SLC35D4: variants seen among roughly 807,000 people sequenced by gnomAD.
SLC35D4 encodes solute carrier family 35 member D4.
chr18:23,249,632 C>T, the SLC35D4 span, among the ~76,000 whole-genome samples: 1 of 152,290 alleles, frequency 6.6e-6, no homozygotes, highest in South Asian at 2.1e-4. Flanking sequence ...TCAAGATAAA[C>T]CTGGGAAGCA....
the SLC35D4 span, among the ~76,000 whole-genome samples, chr18:23,281,437 C>T: frequency 6.6e-6 from 1 of 152,176 alleles, no homozygotes; most frequent in Non-Finnish European, 1.5e-5. Context: ...ATCCTCCCAC[C>T]TCAGCCTCCC....
chr18:23,352,200 G>T, the SLC35D4 span: 1 of 1,609,644 alleles, frequency 6.2e-7, no homozygotes, highest in African/African-American at 1.3e-5. Flanking sequence ...TCTTACCTTA[G>T]CAAAGAAAAT....
the SLC35D4 span, among the ~76,000 whole-genome samples, chr18:23,361,120 AAAAAAG>A: frequency 1.4e-5 from 2 of 138,248 alleles, no homozygotes; most frequent in African/African-American, 5.9e-5. Flanking sequence ...AAAAAAAAAA[AAAAAAG>A]AAAAAGAAAA....
chr18:23,281,047 TC>T, the SLC35D4 span, among the ~76,000 whole-genome samples: 8,690 of 152,042 alleles, frequency 0.057, 456 homozygotes, highest in African/African-American at 0.13. Context: ...CATTGCACAA[TC>T]CCGTGCATAT....
the SLC35D4 span, chr18:23,257,402 C>T: frequency 2.6e-6 from 4 of 1,554,704 alleles, no homozygotes; most frequent in Non-Finnish European, 3.5e-6. Flanking sequence ...GCCATTTCTT[C>T]TCAGCTTGGT....
chr18:23,345,298 A>G, the SLC35D4 span, among the ~76,000 whole-genome samples: 2 of 151,962 alleles, frequency 1.3e-5, no homozygotes, highest in Non-Finnish European at 2.9e-5. Context: ...TCTGACCAAC[A>G]TGGTTAAACC....
At chr18:23,385,288 A>G in the SLC35D4 span, among the ~76,000 whole-genome samples, 1 of 152,196 alleles carries the variant, frequency 6.6e-6, no homozygotes, top group Non-Finnish European at 1.5e-5. Context: ...CTCATCAACA[A>G]ACATTTAAGT....
At chr18:23,253,430 C>T in the SLC35D4 span, among the ~76,000 whole-genome samples, 7 of 152,198 alleles carry the variant, frequency 4.6e-5, no homozygotes, top group Admixed American at 2.0e-4. Flanking sequence ...TTGCAGTGAG[C>T]CAAGATCGTG....
the SLC35D4 span, among the ~76,000 whole-genome samples, chr18:23,316,011 C>T: frequency 4.0e-4 from 61 of 152,356 alleles, no homozygotes; most frequent in East Asian, 0.011. Flanking sequence ...TGGGAGCTTG[C>T]GCGAAATGCA....
the SLC35D4 span, among the ~76,000 whole-genome samples, chr18:23,392,645 C>T: frequency 1.3e-5 from 2 of 152,164 alleles, no homozygotes; most frequent in East Asian, 3.9e-4. Flanking sequence ...AAGAGAGATG[C>T]CAGGGAATCA....
chr18:23,437,723 G>C, the SLC35D4 span: 3 of 1,555,744 alleles, frequency 1.9e-6, no homozygotes, highest in South Asian at 3.5e-5. Context: ...GTCACGGGAA[G>C]ATTCTCCGAC....
At chr18:23,361,103 C>CAAAAAAAAAAAAAAAAAAAAA in the SLC35D4 span, among the ~76,000 whole-genome samples, 3 of 94,110 alleles carry the variant, frequency 3.2e-5, no homozygotes, top group Non-Finnish European at 6.2e-5. Flanking sequence ...GACTTTGTCT[C>CAAAAAAAAAAAAAAAAAAAAA]AAAAAAAAAA....
chr18:23,324,817 G>C, the SLC35D4 span, among the ~76,000 whole-genome samples: 4 of 152,208 alleles, frequency 2.6e-5, no homozygotes, highest in South Asian at 2.1e-4. Flanking sequence ...AGTGTAAACT[G>C]TAATGCCAAG....
At chr18:23,257,198 A>C in the SLC35D4 span, 1 of 1,607,320 alleles carries the variant, frequency 6.2e-7, no homozygotes, top group Non-Finnish European at 8.5e-7. Flanking sequence ...TTCAAAATGA[A>C]CATGCTTTTG....
At chr18:23,412,132 C>T in the SLC35D4 span, among the ~76,000 whole-genome samples, 1 of 152,116 alleles carries the variant, frequency 6.6e-6, no homozygotes, top group African/African-American at 2.4e-5. Context: ...TCAGCCTGGC[C>T]AACATGGTGA....
At chr18:23,279,856 C>T in the SLC35D4 span, among the ~76,000 whole-genome samples, 1 of 152,112 alleles carries the variant, frequency 6.6e-6, no homozygotes, top group African/African-American at 2.4e-5. Flanking sequence ...CACACACATA[C>T]ACACACATGT....
the SLC35D4 span, chr18:23,421,385 T>G: frequency 1.9e-6 from 3 of 1,614,082 alleles, no homozygotes; most frequent in Non-Finnish European, 2.5e-6. Context: ...GCTGTTGATC[T>G]CTACCCAGCC....
At chr18:23,437,382 T>C in the SLC35D4 span, among the ~76,000 whole-genome samples, 72 of 152,256 alleles carry the variant, frequency 4.7e-4, no homozygotes, top group Non-Finnish European at 8.7e-4. Flanking sequence ...CTTCTGGAAC[T>C]TCACGGGGGC....
the SLC35D4 span, among the ~76,000 whole-genome samples, chr18:23,293,591 A>G: frequency 1.3e-5 from 2 of 152,206 alleles, no homozygotes; most frequent in African/African-American, 4.8e-5. Context: ...TGGACAGCAC[A>G]GGGCTAGAGG....
Sources: gnomAD v4.1 joint callset for allele counts (sites outside exome capture counted in the v4.1 genomes callset) on GRCh38, gnomAD v4.1.1 for gene constraint, MANE v1.5 for transcripts, NCBI Gene and HGNC (gene_info 2026-07-23, HGNC 2026-07-21) for gene names.